Variants in TNS1 observed in about 807,000 individuals in gnomAD.
The protein encoded by TNS1 is tensin-1.
A neutral mutation model predicts 168.6 loss-of-function variants in TNS1; 62 were observed. The observed-to-expected ratio is 0.37, with a 90% CI of 0.30 to 0.45. TNS1 has a LOEUF of 0.45. TNS1 is among the 20% of genes least tolerant of loss of function. The pLI is 1.00. For missense variants in TNS1, 2,240 were observed against 2,339.4 expected, an observed-to-expected ratio of 0.96 and a Z score of 0.88; for synonymous variants, 934 against 933.2, an observed-to-expected ratio of 1.00 and a Z score of -0.02.
At chr2:217,920,117 G>T in intron 4 of TNS1, 78 bp downstream of exon 4, 2 of 702,792 alleles carry the variant, frequency 2.8e-6, no homozygotes, top group Non-Finnish European at 5.2e-6. Flanking sequence ...ACATATTTGG[G>T]TCTAAAGAAA....
At chr2:217,885,299 C>T in intron 15 of TNS1, 135 bp from the exon 16 acceptor site, 2 of 1,257,924 alleles carry the variant, frequency 1.6e-6, no homozygotes, top group Non-Finnish European at 1.1e-6. Context: ...CTCATCAACA[C>T]CAAACAGGAT....
intron 3 of TNS1, among the ~76,000 whole-genome samples, chr2:217,949,903 G>A (rs543246163): frequency 2.1e-4 from 32 of 152,244 alleles, no homozygotes; most frequent in African/African-American, 6.5e-4. Context: ...AACCTGAATC[G>A]ATAAGAGTTC....
intron 2 of TNS1, 98 bp from the exon 3 acceptor site, chr2:217,978,900 C>T: frequency 1.4e-6 from 1 of 689,880 alleles, no homozygotes; most frequent in East Asian, 2.7e-5. Context: ...AATCCGCGCT[C>T]GGGAAGGAAG....
In TNS1 at chr2:217,979,324, A is replaced by G. The variant is rs146817107; in HGVS notation, c.149-522T>C. Among the ~76,000 whole-genome samples, 141 of 151,960 alleles carry G rather than the reference A, an allele frequency of 9.3e-4. 1 individual carries two copies. Among genetic ancestry groups the G allele is most frequent in the Admixed American group, 2.3e-3 (35 of 15,262 alleles). ...ACCCACACCCACACACTCACCCAGA[A>G]CCACTCCCACCCATCCACACAGCCA... On this transcript the variant is annotated intron_variant, in intron 2 of 32. Transcript: ENST00000682258.
At chr2:217,878,503 G>A (rs186048805) in intron 18 of TNS1, among the ~76,000 whole-genome samples, 1 of 152,282 alleles carries the variant, frequency 6.6e-6, no homozygotes, top group East Asian at 1.9e-4. Flanking sequence ...AAGAGTCATA[G>A]AATGGCTGGG....
intron 3 of TNS1, among the ~76,000 whole-genome samples, chr2:217,952,395 A>G (rs1488967656): frequency 1.3e-5 from 2 of 152,162 alleles, no homozygotes; most frequent in Non-Finnish European, 1.5e-5. Flanking sequence ...CTTAACCACT[A>G]TGTCATATTG....
intron 3 of TNS1, among the ~76,000 whole-genome samples, chr2:217,936,069 A>C (rs1035876821): frequency 1.1e-3 from 163 of 152,288 alleles, no homozygotes; most frequent in Non-Finnish European, 2.0e-3. Flanking sequence ...GAGACACTCA[A>C]CATTCCATCT....
intron 2 of TNS1, chr2:217,979,018 CG>C (rs771751142): frequency 9.2e-5 from 36 of 391,546 alleles, no homozygotes; most frequent in Non-Finnish European, 1.7e-4. Flanking sequence ...GACCCGCGGC[CG>C]GGGAGGCAGG....
At chr2:217,835,755 C>G (rs180776460) in intron 20 of TNS1, among the ~76,000 whole-genome samples, 6 of 152,292 alleles carry the variant, frequency 3.9e-5, no homozygotes, top group Admixed American at 1.3e-4. Context: ...CCCCAGGATT[C>G]TTACCACCTT....
At chr2:217,838,157 C>T (rs796542151) in intron 19 of TNS1, among the ~76,000 whole-genome samples, 2 of 152,374 alleles carry the variant, frequency 1.3e-5, no homozygotes, top group African/African-American at 4.8e-5. Context: ...CCTCTGCCCC[C>T]AGCAGCTCTT....
intron 18 of TNS1, among the ~76,000 whole-genome samples, chr2:217,876,261 T>G (rs1282297493): frequency 6.6e-6 from 1 of 152,024 alleles, no homozygotes; most frequent in Middle Eastern, 3.2e-3. Flanking sequence ...CGGAACACTA[T>G]GGAGGAATTT....
intron 3 of TNS1, among the ~76,000 whole-genome samples, chr2:217,929,639 C>G (rs1243633576): frequency 1.3e-5 from 2 of 151,898 alleles, no homozygotes; most frequent in Admixed American, 6.6e-5. Flanking sequence ...TCCTGCATGG[C>G]ACTGACAACA....
chr2:217,816,615 G>A (rs1043073218), intron 24 of TNS1, among the ~76,000 whole-genome samples: 3 of 152,156 alleles, frequency 2.0e-5, no homozygotes, highest in African/African-American at 4.8e-5. Flanking sequence ...AGCTGTCAGA[G>A]GCGGCTGCAG....
rs891772834 is a variant in TNS1 at position 217,813,954 on chromosome 2, T to C, written c.4730-138A>G. ...TTCTTTAAAGTTAAAATTTAACTAC[T>C]CCTACGGGTCTTCCTGTACTCAGGT... On this transcript the variant is annotated intron_variant, in intron 25 of 32. Transcript: ENST00000682258. The surrounding 1 kb of genome is among the most constrained non-coding windows in gnomAD (Gnocchi z 4.0). 2.8e-6 allele frequency: 3 copies of C among 1,055,098 alleles called. No individual in the cohort carries two copies. The highest frequency in any genetic ancestry group is 3.9e-6 in the Non-Finnish European group (3 of 777,384). 65.4% of individuals were successfully genotyped at this position (1,055,098 alleles called of 1,614,324 possible). A position where few individuals can be genotyped will look rare whatever the true frequency, so the allele number is the denominator to read the frequency against.
chr2:218,007,576 G>GC (rs1365194496), upstream of TNS1, among the ~76,000 whole-genome samples: 12 of 135,092 alleles, frequency 8.9e-5, no homozygotes, highest in South Asian at 2.0e-3. Context: ...TGGGGGGGGG[G>GC]GTTCAGCCAG....
At chr2:217,853,151 A>G (rs1574821069) in intron 18 of TNS1, among the ~76,000 whole-genome samples, 1 of 152,194 alleles carries the variant, frequency 6.6e-6, no homozygotes, top group Non-Finnish European at 1.5e-5. Flanking sequence ...CGGGACCACA[A>G]GAAGCCGGAA....
intron 16 of TNS1, among the ~76,000 whole-genome samples, chr2:217,883,724 T>C (rs1235613084): frequency 1.3e-5 from 2 of 152,344 alleles, no homozygotes; most frequent in East Asian, 3.9e-4. Flanking sequence ...ACTGTTATCA[T>C]TTACATTCTG....
Position 217,871,061 on chromosome 2 carries a change from A to G in TNS1, c.1429+9837T>C, listed in dbSNP as rs193300005. 2.2e-3 allele frequency among the ~76,000 whole-genome samples: 333 copies of G among 152,230 alleles called. 2 individuals carry two copies. The highest frequency in any genetic ancestry group is 7.4e-3 in the African/African-American group (306 of 41,532). On this transcript the variant is annotated intron_variant, in intron 18 of 32. Transcript: ENST00000682258. Reference sequence around the variant, plus strand: ...CATCCAGGCCTCTATCTTGGCCTCTATGCAGACCAGCACACACTAAGATCC... The same window carrying G: ...CATCCAGGCCTCTATCTTGGCCTCTGTGCAGACCAGCACACACTAAGATCC...
rs1574629544 is a variant in TNS1 at position 217,821,764 on chromosome 2, C to T, written c.3548G>A (p.Ser1183Asn). Residue 1183 changes from serine to asparagine, a missense_variant, in exon 23 of 33, where the codon AGC becomes AAC. By Grantham distance (46) the Ser-to-Asn change is conservative. Around this residue, in one of 2 missense-constraint regions of TNS1, gnomAD observed 2,131 missense variants for 2,171.2 expected, o/e 0.98. Coordinates refer to ENST00000682258, the MANE Select transcript of TNS1 (RefSeq NM_001387777.1). ...SFVSPSPLST[S>N]SPILSADSTS... ...CCTGTCAGCACTGAGGATGGGGCTG[C>T]TGGTGGAGAGGGGGCTGGGGGAGAC... The T allele has an allele frequency of 1.3e-6, 2 of 1,499,756 alleles. No individual in the cohort carries two copies. The highest frequency in any genetic ancestry group is 2.8e-5 in the South Asian group (2 of 71,376). 92.9% of individuals were successfully genotyped at this position (1,499,756 alleles called of 1,614,324 possible). A position where few individuals can be genotyped will look rare whatever the true frequency, so the allele number is the denominator to read the frequency against.
Sources: allele counts gnomAD v4.1 joint callset (sites outside exome capture counted in the v4.1 genomes callset), GRCh38; gene constraint gnomAD v4.1.1; regional missense constraint gnomAD v4.1.1; non-coding constraint Gnocchi (gnomAD v3.1); transcripts MANE v1.5; gene names NCBI Gene and HGNC (gene_info 2026-07-23, HGNC 2026-07-21).